Variants in SAMD5 observed in about 807,000 individuals in gnomAD.
The protein encoded by SAMD5 is sterile alpha motif domain containing 5.
In SAMD5, 13 loss-of-function variants were observed where a neutral mutation model predicts 11.3. The ratio of observed to expected loss-of-function variants is 1.15; its 90% CI spans 0.75 to 1.83. The LOEUF (loss-of-function observed/expected upper bound fraction) is 1.83, where lower values mean the gene tolerates loss of function less well. SAMD5 is among the 40% of genes most tolerant of loss of function. The pLI, the probability that SAMD5 is intolerant of heterozygous loss-of-function variation, is 0.00. For missense variants in SAMD5, 255 were observed against 239.1 expected, an observed-to-expected ratio of 1.07 and a Z score of -0.44; for synonymous variants, 129 against 111.3, an observed-to-expected ratio of 1.16 and a Z score of -1.00.
the SAMD5 span, among the ~76,000 whole-genome samples, chr6:147,916,828 T>C: frequency 6.6e-6 from 1 of 150,826 alleles, no homozygotes; most frequent in Non-Finnish European, 1.5e-5. Context: ...GTTCTTGCAA[T>C]AGTTTACTGA....
intron 1 of SAMD5, among the ~76,000 whole-genome samples, chr6:147,607,868 T>A (rs972935635): frequency 6.6e-6 from 1 of 152,098 alleles, no homozygotes; most frequent in Non-Finnish European, 1.5e-5. Context: ...GAGAGAATAT[T>A]ATTTGCAAAC....
At chr6:147,528,468 A>G (rs372592077) in intron 1 of SAMD5, among the ~76,000 whole-genome samples, 4 of 152,088 alleles carry the variant, frequency 2.6e-5, no homozygotes, top group South Asian at 2.1e-4. Context: ...GACACCAGTC[A>G]TATTGTATTG....
At chr6:147,908,259 C>T in the SAMD5 span, among the ~76,000 whole-genome samples, 98,154 of 151,968 alleles carry the variant, frequency 0.65, 32,573 homozygotes, top group African/African-American at 0.8. Context: ...AAGTTTCTGA[C>T]AATAAATTTT....
chr6:147,731,652 CAA>C (rs4052655), intron 1 of SAMD5, among the ~76,000 whole-genome samples: 99 of 90,102 alleles, frequency 1.1e-3, no homozygotes, highest in African/African-American at 3.9e-3. Flanking sequence ...CTGGCCACTA[CAA>C]AAAAAAAAAA....
intron 1 of SAMD5, among the ~76,000 whole-genome samples, chr6:147,650,675 G>A (rs927698103): frequency 6.6e-6 from 1 of 152,218 alleles, no homozygotes; most frequent in Non-Finnish European, 1.5e-5. Context: ...GCAAGGGACA[G>A]GAGAGAGTTG....
At chr6:147,772,517 A>C in the SAMD5 span, among the ~76,000 whole-genome samples, 10 of 152,178 alleles carry the variant, frequency 6.6e-5, no homozygotes, top group Admixed American at 5.2e-4. Context: ...AGTCAGAGAG[A>C]TCTATTTCCT....
chr6:147,710,651 T>C (rs189141344), intron 1 of SAMD5, among the ~76,000 whole-genome samples: 3 of 152,322 alleles, frequency 2.0e-5, no homozygotes, highest in Non-Finnish European at 2.9e-5. Context: ...TGCTGGCATA[T>C]TGCTATAATT....
At chr6:147,839,719 C>T in the SAMD5 span, among the ~76,000 whole-genome samples, 1 of 152,170 alleles carries the variant, frequency 6.6e-6, no homozygotes, top group South Asian at 2.1e-4. Context: ...CACTGCACTC[C>T]AGCCTGGGCA....
At chr6:147,789,278 A>AACACAC in the SAMD5 span, among the ~76,000 whole-genome samples, 2,448 of 141,116 alleles carry the variant, frequency 0.017, 40 homozygotes, top group East Asian at 0.087. Context: ...TCTCTAGAAA[A>AACACAC]ACACACACAC....
At chr6:147,643,744 A>AGAAGGAAGGAAGGGAGGGAG (rs1554239611) in intron 1 of SAMD5, among the ~76,000 whole-genome samples, 1 of 115,998 alleles carries the variant, frequency 8.6e-6, no homozygotes, top group African/African-American at 3.2e-5. Flanking sequence ...AGGGAAGGAA[A>AGAAGGAAGGAAGGGAGGGAG]GAAGGAAGGA....
chr6:147,620,983 TGTGTGTGCGC>T lies in SAMD5; in HGVS notation c.162+111598_162+111607del, dbSNP rs765299951. 9.8e-4 allele frequency among the ~76,000 whole-genome samples: 113 copies of T among 115,670 alleles called. No individual in the cohort carries two copies. The East Asian group carries it at 0.011, about 11-fold the overall frequency. 75.9% of individuals were successfully genotyped at this position (115,670 alleles called of 152,430 possible). A position where few individuals can be genotyped will look rare whatever the true frequency, so the allele number is the denominator to read the frequency against. ...GCCTCTGTGTGTGTGTGTGTGTGTG[TGTGTGTGCGC>T]GCGCGCACATGCGCGCGCATGTAGG... On this transcript the variant is annotated intron_variant, in intron 1 of 1. Transcript: ENST00000566741.
At chr6:147,953,699 T>C in the SAMD5 span, 1 of 152,234 alleles carries the variant, frequency 6.6e-6, no homozygotes, top group Non-Finnish European at 1.5e-5. Flanking sequence ...GGTAAGCTTG[T>C]TATTATTTGA....
chr6:147,852,922 A>T, the SAMD5 span, among the ~76,000 whole-genome samples: 1 of 152,222 alleles, frequency 6.6e-6, no homozygotes, highest in Non-Finnish European at 1.5e-5. Flanking sequence ...TGCCATACAC[A>T]ACTTTTACAT....
chr6:147,728,145 G>C (rs2128459790), intron 1 of SAMD5, among the ~76,000 whole-genome samples: 1 of 108,134 alleles, frequency 9.2e-6, no homozygotes, highest in South Asian at 3.0e-4. Flanking sequence ...AGATAACCAG[G>C]CTGGGCCCAG....
chr6:147,547,825 C>A (rs560671555), intron 1 of SAMD5, among the ~76,000 whole-genome samples: 5 of 152,118 alleles, frequency 3.3e-5, no homozygotes, highest in Non-Finnish European at 7.3e-5. Context: ...AGAAATATAG[C>A]TTAGGAAGGA....
chr6:147,834,677 T>C, the SAMD5 span, among the ~76,000 whole-genome samples: 1 of 152,208 alleles, frequency 6.6e-6, no homozygotes, highest in Non-Finnish European at 1.5e-5. Context: ...ACCATTCTTA[T>C]GAAATATGGC....
chr6:147,858,218 G>C, the SAMD5 span, among the ~76,000 whole-genome samples: 1 of 152,048 alleles, frequency 6.6e-6, no homozygotes, highest in Non-Finnish European at 1.5e-5. Flanking sequence ...CCCGATCGCT[G>C]TTGCCTGCGC....
intron 1 of SAMD5, among the ~76,000 whole-genome samples, chr6:147,686,127 G>A (rs911906514): frequency 2.0e-5 from 3 of 152,082 alleles, no homozygotes; most frequent in Admixed American, 6.6e-5. Context: ...ATATTTTGCC[G>A]TTTTTAAAAC....
At chr6:147,572,338 A>T (rs1789149597), downstream of SAMD5, among the ~76,000 whole-genome samples, 1 of 152,096 alleles carries the variant, frequency 6.6e-6, no homozygotes, top group African/African-American at 2.4e-5. Context: ...TATTATTCAG[A>T]TTTTCTGACT....
Sources: gnomAD v4.1 joint callset for allele counts (sites outside exome capture counted in the v4.1 genomes callset) on GRCh38, gnomAD v4.1.1 for gene constraint, MANE v1.5 for transcripts, NCBI Gene and HGNC (gene_info 2026-07-23, HGNC 2026-07-21) for gene names.